The following SLC4A10 variants were observed in gnomAD, a reference collection of about 807,000 sequenced individuals.
SLC4A10 encodes the protein sodium-driven chloride bicarbonate exchanger.
In SLC4A10, 42 loss-of-function variants were observed where a neutral mutation model predicts 137.7. That is an observed-to-expected ratio of 0.30 (90% CI 0.24 to 0.39). SLC4A10 has a LOEUF of 0.39. SLC4A10 is among the 10% of genes least tolerant of loss of function. SLC4A10 has a pLI of 1.00. For synonymous variants in SLC4A10, 474 were observed against 464.1 expected (o/e 1.02, Z -0.27); for missense variants, 925 against 1,355.0 (o/e 0.68, Z 4.98).
At chr2:161,671,750 A>G (rs961593431) in intron 1 of SLC4A10, among the ~76,000 whole-genome samples, 33 of 152,310 alleles carry the variant, frequency 2.2e-4, no homozygotes, top group African/African-American at 7.7e-4. Flanking sequence ...TTTTCATAGC[A>G]TTTCAGAGTT....
chr2:161,939,572 T>C (rs181466518), intron 15 of SLC4A10, among the ~76,000 whole-genome samples: 1 of 152,292 alleles, frequency 6.6e-6, no homozygotes, highest in East Asian at 1.9e-4. Context: ...TTCCACTTTG[T>C]AAGAGGAGAT....
At chr2:161,823,837 T>A (rs550908221) in intron 3 of SLC4A10, among the ~76,000 whole-genome samples, 10 of 152,244 alleles carry the variant, frequency 6.6e-5, no homozygotes, top group African/African-American at 2.4e-4. Context: ...GAAGAGAACA[T>A]CAGTATTTAA....
chr2:161,931,946 C>A (rs1358896508), intron 15 of SLC4A10, among the ~76,000 whole-genome samples: 1 of 152,068 alleles, frequency 6.6e-6, no homozygotes, highest in East Asian at 1.9e-4. Context: ...TGTATATATC[C>A]ACTATAATGC....
rs1575417972 is a variant in SLC4A10, at chr2:161,879,259, A to G, written c.1077A>G (p.Gln359=). ...FVRLSPAVLL[Q]GLAEVPIPTR... is the part of the protein sequence containing the mutation. ...GGTTGTCTCCAGCTGTATTGCTTCA[A>G]GGACTGGCTGAAGTCCCAATCCCAA... Residue 359 remains glutamine, a synonymous_variant, in exon 9 of 27, where the codon CAA becomes CAG. Transcript: ENST00000446997. The G allele has an allele frequency of 3.7e-6, 6 of 1,612,424 alleles. No homozygotes were observed. Among genetic ancestry groups the G allele is most frequent in the Non-Finnish European group, 5.1e-6 (6 of 1,178,778 alleles).
chr2:161,658,126 T>C (rs1218317883), intron 1 of SLC4A10, among the ~76,000 whole-genome samples: 2 of 152,214 alleles, frequency 1.3e-5, no homozygotes, highest in Non-Finnish European at 2.9e-5. Context: ...TAGGAGATAG[T>C]CAGTCTTTTC....
intron 23 of SLC4A10, among the ~76,000 whole-genome samples, chr2:161,966,639 C>G (rs181015633): frequency 6.6e-6 from 1 of 151,646 alleles, no homozygotes; most frequent in Non-Finnish European, 1.5e-5. Context: ...GTCTCAGCTA[C>G]TCAGGAGGCT....
intron 1 of SLC4A10, among the ~76,000 whole-genome samples, chr2:161,723,551 T>C (rs554290020): frequency 6.6e-6 from 1 of 152,360 alleles, no homozygotes; most frequent in Admixed American, 6.5e-5. Context: ...TTGCAGTTAT[T>C]ATTATCATAA....
At chr2:161,905,541 TACTTTC>T (rs1684164754) in intron 14 of SLC4A10, 95 bp from the exon 15 acceptor site, 1 of 1,461,212 alleles carries the variant, frequency 6.8e-7, no homozygotes. Flanking sequence ...GAAGCTTATT[TACTTTC>T]ACTTCCTGAA....
intron 2 of SLC4A10, among the ~76,000 whole-genome samples, chr2:161,798,056 C>G (rs555556112): frequency 4.1e-4 from 62 of 152,088 alleles, no homozygotes; most frequent in Non-Finnish European, 7.4e-4. Context: ...AGTAATACCT[C>G]TTTGCTATAA....
chr2:161,847,271 G>GCACA (rs138374326), intron 4 of SLC4A10, among the ~76,000 whole-genome samples: 1 of 148,910 alleles, frequency 6.7e-6, no homozygotes, highest in Non-Finnish European at 1.5e-5. Flanking sequence ...GCATAGAACT[G>GCACA]CACACACACA....
Position 161,977,757 on chromosome 2 carries a change from A to G in SLC4A10, c.*23A>G. ...TAATCACTCTAGAAGCTGATTCCCC[A>G]AAGGTAAGACCCTCTCCCTCAAATC... On this transcript the variant is annotated 3_prime_UTR_variant, in exon 26 of 27. Transcript: ENST00000446997. 6.3e-7 allele frequency: 1 copy of G among 1,594,034 alleles called. No homozygotes were observed. Among genetic ancestry groups the G allele is most frequent in the Non-Finnish European group, 8.5e-7 (1 of 1,172,626 alleles).
At chr2:161,847,302 C>T (rs534510512) in intron 4 of SLC4A10, among the ~76,000 whole-genome samples, 1 of 151,590 alleles carries the variant, frequency 6.6e-6, no homozygotes, top group African/African-American at 2.4e-5. Context: ...CACACACACA[C>T]AGCAACACAC....
intron 1 of SLC4A10, among the ~76,000 whole-genome samples, chr2:161,730,173 G>A (rs1392280826): frequency 6.6e-6 from 1 of 152,176 alleles, no homozygotes; most frequent in Non-Finnish European, 1.5e-5. Flanking sequence ...GTCTCAGAGA[G>A]GAGAGGAGCA....
At chr2:161,778,941 T>C (rs774944669) in intron 2 of SLC4A10, among the ~76,000 whole-genome samples, 8 of 151,956 alleles carry the variant, frequency 5.3e-5, no homozygotes, top group Admixed American at 6.6e-5. Flanking sequence ...TAGACCTGTC[T>C]TAGTTTGTTT....
intron 1 of SLC4A10, among the ~76,000 whole-genome samples, chr2:161,737,183 T>A (rs983115200): frequency 1.3e-5 from 2 of 152,190 alleles, no homozygotes; most frequent in African/African-American, 4.8e-5. Flanking sequence ...AATGTAAATT[T>A]TTTTACAAAA....
At chr2:161,654,581 A>C (rs1284049937) in intron 1 of SLC4A10, among the ~76,000 whole-genome samples, 1 of 152,096 alleles carries the variant, frequency 6.6e-6, no homozygotes, top group Non-Finnish European at 1.5e-5. Flanking sequence ...GACAAATTTC[A>C]TTCTTTTGTA....
chr2:161,936,967 C>T (rs1281179500), intron 15 of SLC4A10, among the ~76,000 whole-genome samples: 1 of 152,036 alleles, frequency 6.6e-6, no homozygotes, highest in African/African-American at 2.4e-5. Context: ...GTGTTTATTG[C>T]CATGAACTTT....
chr2:161,965,078 T>G lies in SLC4A10; in HGVS notation c.3064T>G (p.Leu1022Val). 6.2e-7 allele frequency: 1 copy of G among 1,612,486 alleles called. No homozygotes were observed. Among genetic ancestry groups the G allele is most frequent in the Non-Finnish European group, 8.5e-7 (1 of 1,178,920 alleles). ...GTTAGCCCTGGTATTTGTAAGAAAGTTGATGGACTTGTTGTTCACGAAGCG... is the reference window on the plus strand; with the variant it reads ...GTTAGCCCTGGTATTTGTAAGAAAGGTGATGGACTTGTTGTTCACGAAGCG... Reference protein sequence around the residue: ...MVLALVFVRKLMDLLFTKREL... With the variant: ...MVLALVFVRKVMDLLFTKREL... The change falls in exon 23 of 27, where the codon TTG becomes GTG. Residue 1022 changes from leucine to valine, a missense_variant. Physicochemically the swap from Leu to Val is conservative, Grantham distance 32. Coordinates refer to ENST00000446997, the MANE Select transcript of SLC4A10 (RefSeq NM_001178015.2).
At position 161,825,352 on chromosome 2, in the gene SLC4A10, A is replaced by G. The variant is rs1408008074; in HGVS notation, c.278-14437A>G. Among the ~76,000 whole-genome samples, 4 of 152,152 alleles carry G rather than the reference A, an allele frequency of 2.6e-5. 1 individual carries two copies. In the East Asian group the frequency reaches 5.8e-4, roughly 22 times the overall value. On this transcript the variant is annotated intron_variant, in intron 3 of 26. Coordinates refer to ENST00000446997, the MANE Select transcript of SLC4A10 (RefSeq NM_001178015.2). ...TTATCTCTAATGGAGGTAAAGCAGG[A>G]AAGTTCTTACTTCACTGCTACTGTG...
Sources: allele counts gnomAD v4.1 joint callset (sites outside exome capture counted in the v4.1 genomes callset), GRCh38; gene constraint gnomAD v4.1.1; transcripts MANE v1.5; gene names NCBI Gene and HGNC (gene_info 2026-07-23, HGNC 2026-07-21).